The following PHF8 variants were observed in gnomAD, a reference collection of about 807,000 sequenced individuals.
The protein encoded by PHF8 is PHD finger protein 8.
Under a neutral mutation model 74.4 loss-of-function variants are expected in PHF8, and 9 were observed. The ratio of observed to expected loss-of-function variants is 0.12; its 90% CI spans 0.07 to 0.21. The LOEUF (loss-of-function observed/expected upper bound fraction) is 0.21, where lower values mean the gene tolerates loss of function less well. Among genes scored for constraint, PHF8 ranks in the 10% least tolerant of loss-of-function variants. PHF8 has a pLI of 1.00. For synonymous variants in PHF8, 311 were observed against 316.6 expected, an observed-to-expected ratio of 0.98 and a Z score of 0.19; for missense variants, 478 against 816.6, an observed-to-expected ratio of 0.59 and a Z score of 5.05.
At chrX:54,015,845 T>C (rs914556476) in intron 6 of PHF8, among the ~76,000 whole-genome samples, 6 of 111,318 alleles carry the variant, frequency 5.4e-5, no homozygotes, top group African/African-American at 2.0e-4. Context: ...ATCTACTGTG[T>C]GTGTGAGTCC....
At chrX:54,044,608 A>G (rs2146533907), upstream of PHF8, 1 of 159,726 alleles carries the variant, frequency 6.3e-6, no homozygotes, top group Non-Finnish European at 1.0e-5. Context: ...AAGGTGCCCA[A>G]TCGCCGCTGA....
At chrX:54,026,772 T>G (rs1255433234) in intron 2 of PHF8, among the ~76,000 whole-genome samples, 1 of 110,283 alleles carries the variant, frequency 9.1e-6, no homozygotes, top group African/African-American at 3.3e-5. Flanking sequence ...AATTTGTGTC[T>G]GTACGTGTGT....
At chrX:54,042,227 G>A (rs1378591219) in intron 2 of PHF8, among the ~76,000 whole-genome samples, 1 of 110,241 alleles carries the variant, frequency 9.1e-6, no homozygotes, top group Non-Finnish European at 1.9e-5. Context: ...CTTGAACCTG[G>A]GAGGCAGAGG....
intron 18 of PHF8, among the ~76,000 whole-genome samples, chrX:53,980,220 TATGGTGAAG>T (rs1169129694): frequency 4.5e-5 from 5 of 111,033 alleles, no homozygotes; most frequent in African/African-American, 6.5e-5. Flanking sequence ...CTAAAATTCA[TATGGTGAAG>T]ACCTACCCCT....
chrX:53,940,920 T>C (rs188361643), intron 20 of PHF8, among the ~76,000 whole-genome samples: 4 of 112,117 alleles, frequency 3.6e-5, no homozygotes, highest in African/African-American at 9.7e-5. Context: ...GAAGAAAAAA[T>C]CCTAATTTTA....
At chrX:54,007,385 TAAAG>T (rs1437841757) in intron 8 of PHF8, among the ~76,000 whole-genome samples, 3 of 109,962 alleles carry the variant, frequency 2.7e-5, no homozygotes, top group Non-Finnish European at 5.7e-5. Flanking sequence ...CATAAGCAAA[TAAAG>T]AAAAAAAAAT....
In PHF8 at chrX:53,992,851, G is replaced by C. The variant is rs782213678; in HGVS notation, c.1627-12C>G. On this transcript the variant is annotated splice_polypyrimidine_tract_variant and intron_variant, in intron 13 of 21. Transcript: ENST00000338154. ...CCAGTGATGTTGAACTGTAGAAGTA[G>C]GAGACTCAGCCGTTACCTGTCTGGG... 9.1e-7 allele frequency: 1 copy of C among 1,098,674 alleles called. No homozygotes were observed. Among genetic ancestry groups the C allele is most frequent in the African/African-American group, 1.8e-5 (1 of 54,939 alleles). The allele number at this position is 1,098,674 out of a possible 1,213,427, so 90.5% of individuals were successfully genotyped here.
chrX:54,008,988 C>G (rs1299393275), intron 8 of PHF8, among the ~76,000 whole-genome samples: 1 of 111,381 alleles, frequency 9.0e-6, no homozygotes, highest in African/African-American at 3.3e-5. Context: ...ACCAGCTTGG[C>G]CAACATGGGT....
chrX:53,965,578 G>A (rs1557092284), intron 18 of PHF8, among the ~76,000 whole-genome samples: 1 of 112,297 alleles, frequency 8.9e-6, no homozygotes, highest in East Asian at 2.8e-4. Context: ...GGTGGAGGCT[G>A]CAGTGAGCCA....
chrX:53,946,412 A>G (rs954979844), intron 19 of PHF8, among the ~76,000 whole-genome samples: 1 of 112,583 alleles, frequency 8.9e-6, no homozygotes, highest in Non-Finnish European at 1.9e-5. Flanking sequence ...AGCCATTCAT[A>G]TTACTTTCAG....
rs1426595091 is a variant in PHF8 at position 53,971,890 on chromosome X, T to A, written c.2444-8951A>T. On this transcript the variant is annotated intron_variant, in intron 18 of 21. Coordinates refer to ENST00000338154, the MANE Select transcript of PHF8 (RefSeq NM_015107.3). Reference sequence around the variant, plus strand: ...AGGACCAGAGAGATTTATAGCTGAATTCCACTACAGGTACAAAGAAGAGCT... The same window carrying A: ...AGGACCAGAGAGATTTATAGCTGAAATCCACTACAGGTACAAAGAAGAGCT... Among the ~76,000 whole-genome samples, 3 of 111,334 alleles carry A rather than the reference T, an allele frequency of 2.7e-5. No individual in the cohort carries two copies. The Admixed American group carries it at 2.9e-4, about 11-fold the overall frequency.
intron 16 of PHF8, 107 bp downstream of exon 16, chrX:53,986,971 T>C (rs1266613114): frequency 1.9e-6 from 1 of 514,812 alleles, no homozygotes; most frequent in Admixed American, 2.9e-5. Context: ...AGGAAATGAA[T>C]GCAAAGGATG....
At chrX:53,944,604 G>C (rs1603299699) in intron 19 of PHF8, 2 of 182,885 alleles carry the variant, frequency 1.1e-5, no homozygotes, top group East Asian at 2.6e-4. Flanking sequence ...TGTAGTCCTA[G>C]CTACTTGGGA....
intron 11 of PHF8, among the ~76,000 whole-genome samples, chrX:53,995,992 G>C (rs1557102757): frequency 9.0e-6 from 1 of 110,971 alleles, no homozygotes; most frequent in Non-Finnish European, 1.9e-5. Context: ...ACTTAAAATG[G>C]ATCATAGACC....
At chrX:53,954,586 C>T (rs1443264664) in intron 19 of PHF8, among the ~76,000 whole-genome samples, 2 of 100,357 alleles carry the variant, frequency 2.0e-5, no homozygotes, top group Non-Finnish European at 4.0e-5. Flanking sequence ...GCTTAAAATG[C>T]CTTGAAAAAA....
At chrX:53,978,203 C>A (rs2065417744) in intron 18 of PHF8, among the ~76,000 whole-genome samples, 2 of 110,366 alleles carry the variant, frequency 1.8e-5, no homozygotes. Flanking sequence ...GCCTTGGCCT[C>A]CCAAAGTGCT....
chrX:54,022,202 A>T (rs1569529073), intron 4 of PHF8, 57 bp downstream of exon 4: 2 of 674,620 alleles, frequency 3.0e-6, no homozygotes, highest in East Asian at 3.2e-5. Flanking sequence ...GGAAGAGGTG[A>T]GTTCCAGCTT....
intron 12 of PHF8, among the ~76,000 whole-genome samples, chrX:53,994,311 CTGTT>C: frequency 8.9e-6 from 1 of 112,344 alleles, no homozygotes; most frequent in Middle Eastern, 4.6e-3. Flanking sequence ...CCATTTGAGA[CTGTT>C]TGCTTAGCTG....
In PHF8 at chrX:54,044,167, G is replaced by A; in HGVS notation, c.-498C>T. ...GAGACCGCGGCTTGGGCCTAGTCTG[G>A]CGGCCGCCCGGCGAACGGGCAAGTG... On this transcript the variant is annotated 5_prime_UTR_variant, in exon 1 of 22. Coordinates refer to ENST00000338154, the MANE Select transcript of PHF8 (RefSeq NM_015107.3). The A allele has an allele frequency of 1.3e-6, 1 of 755,021 alleles. No homozygotes were observed. Among genetic ancestry groups the A allele is most frequent in the East Asian group, 1.5e-4 (1 of 6,669 alleles). 62.2% of individuals were successfully genotyped at this position (755,021 alleles called of 1,213,427 possible).
Sources: allele counts gnomAD v4.1 joint callset (sites outside exome capture counted in the v4.1 genomes callset), GRCh38; gene constraint gnomAD v4.1.1; transcripts MANE v1.5; gene names NCBI Gene and HGNC (gene_info 2026-07-23, HGNC 2026-07-21).